The following TRPC4AP variants were observed in gnomAD, a reference collection of about 807,000 sequenced individuals.
The protein encoded by TRPC4AP is short transient receptor potential channel 4-associated protein.
TRPC4AP carries 45 observed loss-of-function variants against 99.0 expected under a neutral mutation model. The observed-to-expected ratio is 0.45, with a 90% CI of 0.36 to 0.58. The LOEUF (loss-of-function observed/expected upper bound fraction) is 0.58. TRPC4AP is among the 20% of genes least tolerant of loss of function. TRPC4AP has a pLI of 0.00. For missense variants in TRPC4AP, 879 were observed against 985.3 expected (o/e 0.89, Z 1.44); for synonymous variants, 408 against 385.8 (o/e 1.06, Z -0.67).
chr20:35,029,635 T>C (rs2083122054), intron 8 of TRPC4AP, among the ~76,000 whole-genome samples: 1 of 120,660 alleles, frequency 8.3e-6, no homozygotes, highest in South Asian at 3.2e-4. Context: ...TTTCTTTTTT[T>C]TTTTTTTTTT....
At chr20:35,061,614 GAGT>G (rs1271957821) in intron 3 of TRPC4AP, among the ~76,000 whole-genome samples, 3 of 152,202 alleles carry the variant, frequency 2.0e-5, no homozygotes, top group African/African-American at 7.2e-5. Flanking sequence ...AATGATGAAA[GAGT>G]AGTTTTTTCA....
intron 2 of TRPC4AP, among the ~76,000 whole-genome samples, chr20:35,070,316 T>C (rs935475118): frequency 6.6e-6 from 1 of 152,146 alleles, no homozygotes; most frequent in African/African-American, 2.4e-5. Context: ...TCTTCTTGAT[T>C]TCCCCCAACC....
chr20:35,092,234 A>G (rs1472755097), intron 1 of TRPC4AP, among the ~76,000 whole-genome samples: 5 of 152,024 alleles, frequency 3.3e-5, no homozygotes, highest in African/African-American at 1.2e-4. Flanking sequence ...GGGGGCTGCA[A>G]TGATGACCCC....
At chr20:35,061,058 T>C (rs2083994757) in intron 3 of TRPC4AP, among the ~76,000 whole-genome samples, 1 of 152,104 alleles carries the variant, frequency 6.6e-6, no homozygotes, top group South Asian at 2.1e-4. Context: ...ACTAACTATT[T>C]ACAGATGTCA....
intron 1 of TRPC4AP, among the ~76,000 whole-genome samples, chr20:35,089,802 C>T (rs570473666): frequency 2.0e-5 from 3 of 152,016 alleles, no homozygotes; most frequent in East Asian, 1.9e-4. Context: ...ACCGAGATTG[C>T]GCCACTGCAC....
chr20:35,033,253 G>C (rs1339185778), intron 8 of TRPC4AP, among the ~76,000 whole-genome samples: 1 of 152,006 alleles, frequency 6.6e-6, no homozygotes, highest in Non-Finnish European at 1.5e-5. Context: ...CCTCCTTCAG[G>C]GTTTGTTGTT....
intron 7 of TRPC4AP, among the ~76,000 whole-genome samples, chr20:35,043,921 T>C (rs754656432): frequency 6.6e-6 from 1 of 152,186 alleles, no homozygotes; most frequent in Non-Finnish European, 1.5e-5. Context: ...AGAGACTTAG[T>C]AGATCAAAAA....
intron 3 of TRPC4AP, among the ~76,000 whole-genome samples, chr20:35,067,860 A>C (rs963122520): frequency 6.6e-6 from 1 of 152,128 alleles, no homozygotes; most frequent in Non-Finnish European, 1.5e-5. Context: ...GAGGTGGTAG[A>C]GGTAGGGGAG....
intron 4 of TRPC4AP, among the ~76,000 whole-genome samples, chr20:35,056,657 G>A (rs2083833627): frequency 6.6e-6 from 1 of 152,074 alleles, no homozygotes; most frequent in Non-Finnish European, 1.5e-5. Context: ...TTTAACACCA[G>A]AGTAAAGTGC....
At position 35,021,183 on chromosome 20, in the gene TRPC4AP, G is replaced by A. The variant is rs957727963; in HGVS notation, c.1218+7C>T. 4.4e-6 allele frequency: 7 copies of A among 1,608,954 alleles called. No individual in the cohort carries two copies. The highest frequency in any genetic ancestry group is 4.5e-5 in the East Asian group (2 of 44,772). On this transcript the variant is annotated splice_region_variant and intron_variant, in intron 9 of 18. Coordinates refer to ENST00000252015, the MANE Select transcript of TRPC4AP (RefSeq NM_015638.3). ...CCCGTGTCCTGAGACGCTGGAGAGG[G>A]GCCCACCTGGTTTCGCTGACGCCCC...
At chr20:35,060,376 C>A (rs1284786650) in intron 3 of TRPC4AP, among the ~76,000 whole-genome samples, 2 of 151,918 alleles carry the variant, frequency 1.3e-5, no homozygotes, top group Non-Finnish European at 2.9e-5. Context: ...TACTTAAGCC[C>A]AAGAGTATGC....
At chr20:35,012,270 T>C (rs143841821) in intron 11 of TRPC4AP, among the ~76,000 whole-genome samples, 62 of 152,368 alleles carry the variant, frequency 4.1e-4, no homozygotes, top group African/African-American at 1.4e-3. Flanking sequence ...TGCAAGGTTT[T>C]TAAAATATTT....
chr20:35,068,882 T>G (rs2084216556), intron 3 of TRPC4AP, among the ~76,000 whole-genome samples: 2 of 149,988 alleles, frequency 1.3e-5, no homozygotes, highest in African/African-American at 4.9e-5. Flanking sequence ...AGTGTAGCCG[T>G]GTATATGGTA....
At position 35,002,474 on chromosome 20, in the gene TRPC4AP, A is replaced by C; in HGVS notation, c.*672T>G. ...TATTTGCTGTTAATAAATTGGCAACACAAGGAAGGGCCCCATGTCCAGGCT... is the reference window on the plus strand; with the variant it reads ...TATTTGCTGTTAATAAATTGGCAACCCAAGGAAGGGCCCCATGTCCAGGCT... On this transcript the variant is annotated 3_prime_UTR_variant, in exon 19 of 19. Transcript: ENST00000252015. The C allele has an allele frequency of 3.1e-6, 1 of 326,226 alleles. No homozygotes were observed. Among genetic ancestry groups the C allele is most frequent in the East Asian group, 4.8e-5 (1 of 20,766 alleles). The allele number at this position is 326,226 out of a possible 1,614,324, so 20.2% of individuals were successfully genotyped here. A position where few individuals can be genotyped will look rare whatever the true frequency, so the allele number is the denominator to read the frequency against.
chr20:35,018,367 G>A (rs943699439), intron 9 of TRPC4AP, among the ~76,000 whole-genome samples: 3 of 152,206 alleles, frequency 2.0e-5, no homozygotes, highest in South Asian at 2.1e-4. Flanking sequence ...AGGCCAAGGC[G>A]GGCGGATCAC....
At chr20:35,026,978 A>C (rs1289087930) in intron 8 of TRPC4AP, among the ~76,000 whole-genome samples, 1 of 152,190 alleles carries the variant, frequency 6.6e-6, no homozygotes, top group Non-Finnish European at 1.5e-5. Flanking sequence ...TCTACATATA[A>C]GATCATCCCA....
Position 35,031,718 on chromosome 20 carries a change from G to C in TRPC4AP, c.1051+3405C>G, listed in dbSNP as rs146371379. On this transcript the variant is annotated intron_variant, in intron 8 of 18. Transcript: ENST00000252015. ...GTACTCCCATTATGCATATCTTGGTGTGCTTAATAGTGCCCCACATTATTT... is the reference window on the plus strand; with the variant it reads ...GTACTCCCATTATGCATATCTTGGTCTGCTTAATAGTGCCCCACATTATTT... 2.5e-3 allele frequency among the ~76,000 whole-genome samples: 374 copies of C among 151,954 alleles called. 2 individuals carry two copies. Among genetic ancestry groups the C allele is most frequent in the Admixed American group, 6.2e-3 (94 of 15,252 alleles).
At chr20:35,030,829 C>A (rs2083173499) in intron 8 of TRPC4AP, among the ~76,000 whole-genome samples, 1 of 152,202 alleles carries the variant, frequency 6.6e-6, no homozygotes, top group South Asian at 2.1e-4. Context: ...TTTACACAAT[C>A]TCTTACAATT....
At chr20:35,018,761 T>A (rs909436551) in intron 9 of TRPC4AP, among the ~76,000 whole-genome samples, 1 of 152,076 alleles carries the variant, frequency 6.6e-6, no homozygotes, top group African/African-American at 2.4e-5. Context: ...GTGGGCGAGA[T>A]GAAGTGCCAC....
Sources: allele counts gnomAD v4.1 joint callset (sites outside exome capture counted in the v4.1 genomes callset), GRCh38; gene constraint gnomAD v4.1.1; transcripts MANE v1.5; gene names NCBI Gene and HGNC (gene_info 2026-07-23, HGNC 2026-07-21).